The following DCHS1 variants were observed in gnomAD, a reference collection of about 807,000 sequenced individuals.
DCHS1 encodes the protein dachsous cadherin-related 1, also known as protocadherin-16.
A neutral mutation model predicts 213.9 loss-of-function variants in DCHS1; 78 were observed. The ratio of observed to expected loss-of-function variants is 0.36; its 90% confidence interval spans 0.30 to 0.44. The LOEUF (loss-of-function observed/expected upper bound fraction) is 0.44, where lower values mean the gene tolerates loss of function less well. DCHS1 is among the 20% of genes least tolerant of loss of function. DCHS1 has a pLI of 1.00. For synonymous variants in DCHS1, 1,828 were observed against 1,873.7 expected (o/e 0.98, Z 0.63); for missense variants, 3,946 against 4,395.9 (o/e 0.90, Z 2.89).
chr11:6,622,142 A>G lies in DCHS1; in HGVS notation c.9534T>C (p.Ser3178=), dbSNP rs1371832578. The G allele has an allele frequency of 6.2e-7, 1 of 1,612,736 alleles. No individual in the cohort carries two copies. The highest frequency in any genetic ancestry group is 8.5e-7 in the Non-Finnish European group (1 of 1,179,730). ...TGAGCCGAGCGATCTCTGTGAAGACACTGGCCAGTGGTTGGAACTGAGGGC... is the reference window on the plus strand; with the variant it reads ...TGAGCCGAGCGATCTCTGTGAAGACGCTGGCCAGTGGTTGGAACTGAGGGC... The part of the protein sequence containing the change: ...SWCPQFQPLA[S]VFTEIARLKD... The change falls in exon 21 of 21, where the codon AGT becomes AGC. Residue 3178 remains serine, a synonymous_variant. Coordinates refer to ENST00000299441, the MANE Select transcript of DCHS1 (RefSeq NM_003737.4). The surrounding 1 kb of genome is among the most constrained non-coding windows in gnomAD (Gnocchi z 5.4).
At chr11:6,649,906 T>C (rs1256049638) in intron 1 of DCHS1, among the ~76,000 whole-genome samples, 2 of 152,194 alleles carry the variant, frequency 1.3e-5, no homozygotes, top group Non-Finnish European at 2.9e-5. Context: ...GACAGCATAG[T>C]AGAGGGGCTG....
Position 6,626,709 on chromosome 11 carries a change from GA to G in DCHS1, c.6251-45del, listed in dbSNP as rs1377239412. 2 of 1,611,662 alleles carry G rather than the reference GA, an allele frequency of 1.2e-6. No individual in the cohort carries two copies. Among genetic ancestry groups the G allele is most frequent in the Non-Finnish European group, 1.7e-6 (2 of 1,179,022 alleles). On this transcript the variant is annotated intron_variant, in intron 14 of 20. Transcript: ENST00000299441. This position sits in a 1 kb window ranked among gnomAD's most constrained non-coding sequence, Gnocchi z 5.2. ...TGTTGGACTGTGAGCGCGAGACTGG[GA>G]GAGTTTGGGGGACATTTTCAAAGCA...
chr11:6,629,172 T>C (rs1855859976), intron 12 of DCHS1, among the ~76,000 whole-genome samples: 1 of 152,200 alleles, frequency 6.6e-6, no homozygotes, highest in South Asian at 2.1e-4. Flanking sequence ...ATCAAAATGC[T>C]CCTCTGTTAA....
chr11:6,646,915 G>T (rs1038769801), intron 1 of DCHS1, among the ~76,000 whole-genome samples: 2 of 152,112 alleles, frequency 1.3e-5, no homozygotes, highest in Non-Finnish European at 1.5e-5. Context: ...AGGTGGGCTG[G>T]GGGGGAGGAG....
rs1855931142 is a variant in DCHS1 at position 6,632,703 on chromosome 11, C to A, written c.2809G>T (p.Gly937Cys). The A allele has an allele frequency of 6.3e-7, 1 of 1,592,370 alleles. No homozygotes were observed. The stretch of plus-strand genomic sequence containing the variant: ...GGGTCCACGGTGAAGGCTCCACCAC[C>A]CCCAGCAAGCAGGGTAAAGGTGACT... ...SRVTFTLLAG[G>C]GGAFTVDPTT... The change falls in exon 6 of 21, where the codon GGT becomes TGT. Residue 937 changes from glycine to cysteine, a missense_variant. Gly to Cys is a radical substitution (Grantham distance 159). Transcript: ENST00000299441. The surrounding 1 kb of genome is among the most constrained non-coding windows in gnomAD (Gnocchi z 5.9).
intron 6 of DCHS1, 78 bp downstream of exon 6, chr11:6,631,953 G>T (rs1855914988): frequency 1.4e-6 from 2 of 1,465,268 alleles, no homozygotes. Flanking sequence ...GGGAGCTGGG[G>T]GTTGGGGATC....
chr11:6,630,460 A>T lies in DCHS1; in HGVS notation c.4334T>A (p.Leu1445Gln). The stretch of plus-strand genomic sequence containing the variant: ...TGCGCCGGGCTCCGGGTTCTCTGGC[A>T]GCGCCAGCGCCAGCGGGTCGCGCGC... ...AFARDPLALA[L>Q]PENPEPGAAL... The change falls in exon 10 of 21, where the codon CTG (leucine) becomes CAG (glutamine). Residue 1445 changes from leucine (L) to glutamine (Q), a missense_variant. Physicochemically the swap from Leu to Gln is moderately radical, Grantham distance 113. Transcript: ENST00000299441. 4 of 1,518,368 alleles carry T rather than the reference A, an allele frequency of 2.6e-6. No individual in the cohort carries two copies. Among genetic ancestry groups the T allele is most frequent in the Non-Finnish European group, 3.5e-6 (4 of 1,138,598 alleles). The allele number at this position is 1,518,368 out of a possible 1,614,324, so 94.1% of individuals were successfully genotyped here.
rs886621354 is a variant in DCHS1 at position 6,629,906 on chromosome 11, G to T, written c.4801C>A (p.Leu1601Met). The change falls in exon 11 of 21, where the codon CTG (leucine) becomes ATG (methionine). Residue 1601 changes from leucine to methionine, a missense_variant. Leu to Met is a conservative substitution (Grantham distance 15, BLOSUM62 2). Transcript: ENST00000299441. ...CGGTCCAACGGCCGCACCACGGACA[G>T]CGCTCCTAGGTGAGCGGTAAGGCAG... ...HFRLHSSTGA[L>M]SVVRPLDREQ... The T allele has an allele frequency of 3.1e-6, 5 of 1,611,498 alleles. No individual in the cohort carries two copies. The highest frequency in any genetic ancestry group is 4.2e-6 in the Non-Finnish European group (5 of 1,178,438).
chr11:6,631,865 G>T, intron 6 of DCHS1, 56 bp from the exon 7 acceptor site: 1 of 1,474,674 alleles, frequency 6.8e-7, no homozygotes, highest in Non-Finnish European at 9.0e-7. Flanking sequence ...AGAGCCTGAG[G>T]CCTGCACCTA....
chr11:6,624,461 AG>A (rs1855761260), intron 20 of DCHS1, 71 bp from the exon 21 acceptor site: 1 of 1,449,882 alleles, frequency 6.9e-7, no homozygotes, highest in African/African-American at 1.4e-5. Flanking sequence ...GTGACCCTTC[AG>A]GATCTAGGAA....
chr11:6,647,391 C>T (rs948854018), intron 1 of DCHS1, among the ~76,000 whole-genome samples: 1 of 152,152 alleles, frequency 6.6e-6, no homozygotes, highest in African/African-American at 2.4e-5. Context: ...AGACAGCTAA[C>T]AAACTAGCTT....
At position 6,623,005 on chromosome 11, in the gene DCHS1, G is replaced by T. The variant is rs756232598; in HGVS notation, c.8671C>A (p.Arg2891=). 1 of 1,570,806 alleles carries T rather than the reference G, an allele frequency of 6.4e-7. No homozygotes were observed. The highest frequency in any genetic ancestry group is 1.4e-5 in the African/African-American group (1 of 73,902). ...CTCAGCTCCCGTGGTGCTTCCCGCC[G>T]GGTCCGGCCCCCACCCCCAGAGGTG... ...TATSGGGGRT[R]REAPRELRLE... The change falls in exon 21 of 21, where the codon CGG becomes AGG. Residue 2891 remains arginine, a synonymous_variant. Coordinates refer to ENST00000299441, the MANE Select transcript of DCHS1 (RefSeq NM_003737.4).
rs765591706 is a variant in DCHS1 at position 6,621,791 on chromosome 11, C to G, written c.9885G>C (p.Glu3295Asp). The G allele has an allele frequency of 1.4e-5, 23 of 1,587,974 alleles. No individual in the cohort carries two copies. Among genetic ancestry groups the G allele is most frequent in the Non-Finnish European group, 1.8e-5 (21 of 1,167,724 alleles). Residue 3295 changes from glutamate to aspartate, a missense_variant, in exon 21 of 21, where the codon GAG (glutamate) becomes GAC (aspartate). By Grantham distance (45) the Glu-to-Asp change is conservative (BLOSUM62 2). Coordinates refer to ENST00000299441, the MANE Select transcript of DCHS1 (RefSeq NM_003737.4). ...GCCTGGGCCACAGCTAGATGTGCAGCTCCGTGTCATCAGGTGGCTCCAGGC... is the reference window on the plus strand; with the variant it reads ...GCCTGGGCCACAGCTAGATGTGCAGGTCCGTGTCATCAGGTGGCTCCAGGC... ...ESGLEPPDDT[E>D]LHI
At position 6,641,074 on chromosome 11, in the gene DCHS1, A is replaced by G; in HGVS notation, c.540T>C (p.Tyr180=). Residue 180 remains tyrosine (Y), a synonymous_variant, in exon 2 of 21, where the codon TAT becomes TAC. Transcript: ENST00000299441. The surrounding 1 kb of genome is among the most constrained non-coding windows in gnomAD (Gnocchi z 7.1). The part of the protein sequence containing the change: ...ADAGRLGTQG[Y]ALSGDGAGET... ...CTCCAGCCCCATCACCAGATAGCGC[A>G]TAGCCCTGGGTTCCCAGACGCCCAG... 1 of 1,614,000 alleles carries G rather than the reference A, an allele frequency of 6.2e-7. No individual in the cohort carries two copies. Among genetic ancestry groups the G allele is most frequent in the Non-Finnish European group, 8.5e-7 (1 of 1,179,892 alleles).
chr11:6,654,199 G>C (rs1488638623), intron 1 of DCHS1, among the ~76,000 whole-genome samples: 1 of 152,178 alleles, frequency 6.6e-6, no homozygotes, highest in African/African-American at 2.4e-5. Context: ...AGGTCTTCCT[G>C]TGGTGTGCAT....
Position 6,629,888 on chromosome 11 carries a change from A to T in DCHS1, c.4819T>A (p.Leu1607Met). The stretch of plus-strand genomic sequence containing the variant: ...TGCTCAGCTCGTTGTTCGCGGTCCA[A>T]CGGCCGCACCACGGACAGCGCTCCT... The part of the protein sequence containing the change: ...STGALSVVRP[L>M]DREQRAEHVL... Residue 1607 changes from leucine (L) to methionine (M), a missense_variant, in exon 11 of 21, where the codon TTG becomes ATG. This residue lies in a region of DCHS1 where 3,384 missense variants were observed against 3,780.1 expected (regional missense o/e 0.90). Transcript: ENST00000299441. 6.2e-7 allele frequency: 1 copy of T among 1,612,702 alleles called. No individual in the cohort carries two copies. The highest frequency in any genetic ancestry group is 8.5e-7 in the Non-Finnish European group (1 of 1,179,478).
Position 6,627,316 on chromosome 11 carries a change from G to C in DCHS1, c.5723C>G (p.Ser1908Cys). 6.2e-7 allele frequency: 1 copy of C among 1,611,316 alleles called. No individual in the cohort carries two copies. Among genetic ancestry groups the C allele is most frequent in the Non-Finnish European group, 8.5e-7 (1 of 1,178,860 alleles). ...GGCTGCAGCTGTGCGCAGTTCTCCAGAGCTGGGCTCCAGCAGGAAGGCTCC... is the reference window on the plus strand; with the variant it reads ...GGCTGCAGCTGTGCGCAGTTCTCCACAGCTGGGCTCCAGCAGGAAGGCTCC... ...TAGAFLLEPSSGELRTAAALD... is the reference protein window; with the variant it reads ...TAGAFLLEPSCGELRTAAALD... Residue 1908 changes from serine to cysteine, a missense_variant, in exon 14 of 21, where the codon TCT becomes TGT. By Grantham distance (112) the Ser-to-Cys change is moderately radical (BLOSUM62 -1). This residue lies in a region of DCHS1 where 3,384 missense variants were observed against 3,780.1 expected (regional missense o/e 0.90). Coordinates refer to ENST00000299441, the MANE Select transcript of DCHS1 (RefSeq NM_003737.4). The surrounding 1 kb of genome is among the most constrained non-coding windows in gnomAD (Gnocchi z 5.4).
At chr11:6,651,259 A>G (rs957348068) in intron 1 of DCHS1, among the ~76,000 whole-genome samples, 4 of 152,212 alleles carry the variant, frequency 2.6e-5, no homozygotes, top group Admixed American at 2.6e-4. Context: ...GGAAGGGATA[A>G]GCCAGGAGGG....
chr11:6,635,697 G>A (rs911470316), intron 2 of DCHS1, among the ~76,000 whole-genome samples: 6 of 152,178 alleles, frequency 3.9e-5, no homozygotes, highest in African/African-American at 1.4e-4. Flanking sequence ...CCAGGAGACA[G>A]ACTTCCCCTA....
Sources: gnomAD v4.1 joint callset for allele counts (sites outside exome capture counted in the v4.1 genomes callset) on GRCh38, gnomAD v4.1.1 for gene constraint, gnomAD v4.1.1 regional missense constraint, Gnocchi (gnomAD v3.1) non-coding constraint, MANE v1.5 for transcripts, NCBI Gene and HGNC (gene_info 2026-07-23, HGNC 2026-07-21) for gene names.